The following GLDN variants were observed in gnomAD, a reference collection of about 807,000 sequenced individuals.
The protein encoded by GLDN is collomin.
GLDN carries 47 observed loss-of-function variants against 56.5 expected under a neutral mutation model. That is an observed-to-expected ratio of 0.83 (90% CI 0.66 to 1.06). GLDN has a LOEUF of 1.06. Ranked by LOEUF, GLDN falls within the 50% of genes least tolerant of loss-of-function variation. GLDN has a pLI of 0.00. For synonymous variants in GLDN, 332 were observed against 278.8 expected, an observed-to-expected ratio of 1.19 and a Z score of -1.90; for missense variants, 782 against 714.3, an observed-to-expected ratio of 1.09 and a Z score of -1.08.
chr15:51,369,292 C>A (rs1182534117), intron 1 of GLDN, among the ~76,000 whole-genome samples: 1 of 152,206 alleles, frequency 6.6e-6, no homozygotes, highest in African/African-American at 2.4e-5. Context: ...ATAATAACAG[C>A]AGTTTGCATA....
chr15:51,390,047 A>T (rs2037982557), intron 4 of GLDN, among the ~76,000 whole-genome samples: 1 of 152,224 alleles, frequency 6.6e-6, no homozygotes, highest in African/African-American at 2.4e-5. Context: ...AATAGCTCAG[A>T]GCCAGAGCTG....
intron 1 of GLDN, among the ~76,000 whole-genome samples, chr15:51,356,167 A>C (rs1349226448): frequency 6.6e-6 from 1 of 150,782 alleles, no homozygotes; most frequent in Non-Finnish European, 1.5e-5. Flanking sequence ...AAATCGCGCC[A>C]CTGCACTATA....
At chr15:51,347,892 C>G (rs958677069) in intron 1 of GLDN, among the ~76,000 whole-genome samples, 3 of 152,084 alleles carry the variant, frequency 2.0e-5, no homozygotes, top group African/African-American at 7.2e-5. Context: ...TAATAAGAGT[C>G]AGAACAATCC....
intron 4 of GLDN, among the ~76,000 whole-genome samples, chr15:51,388,676 G>A (rs1168580855): frequency 6.6e-6 from 1 of 152,222 alleles, no homozygotes; most frequent in Non-Finnish European, 1.5e-5. Context: ...AAGTGGAGGA[G>A]GCAGGACTTG....
At position 51,400,509 on chromosome 15, in the gene GLDN, T is replaced by C; in HGVS notation, c.1027+11T>C. On this transcript the variant is annotated intron_variant, in intron 8 of 9. Coordinates refer to ENST00000335449, the MANE Select transcript of GLDN (RefSeq NM_181789.4). ...CAGAGCATTTTTCAGGTACTTGCACTCGGCCTATGACCCATATCTGTGTGG... is the reference window on the plus strand; with the variant it reads ...CAGAGCATTTTTCAGGTACTTGCACCCGGCCTATGACCCATATCTGTGTGG... 6.2e-7 allele frequency: 1 copy of C among 1,613,666 alleles called. No individual in the cohort carries two copies. The highest frequency in any genetic ancestry group is 8.5e-7 in the Non-Finnish European group (1 of 1,179,808).
intron 1 of GLDN, among the ~76,000 whole-genome samples, chr15:51,346,357 A>G (rs903136950): frequency 2.0e-5 from 3 of 152,238 alleles, no homozygotes; most frequent in African/African-American, 7.2e-5. Flanking sequence ...GACAGAGTGG[A>G]AAGTTCCGAA....
chr15:51,351,203 G>GT (rs376978687), intron 1 of GLDN: 15 of 253,396 alleles, frequency 5.9e-5, no homozygotes, highest in African/African-American at 3.0e-4. Flanking sequence ...TAGAGACAGG[G>GT]TCTCACTATG....
chr15:51,392,599 G>A (rs566989003), intron 4 of GLDN, among the ~76,000 whole-genome samples: 16 of 152,184 alleles, frequency 1.1e-4, no homozygotes, highest in Admixed American at 2.6e-4. Flanking sequence ...CCCACACCCC[G>A]GTCTATGGAA....
intron 2 of GLDN, among the ~76,000 whole-genome samples, chr15:51,383,109 G>T (rs2037802939): frequency 6.6e-6 from 1 of 152,144 alleles, no homozygotes; most frequent in Admixed American, 6.5e-5. Flanking sequence ...CCATGCTAGG[G>T]CTGCACTCAT....
intron 1 of GLDN, among the ~76,000 whole-genome samples, chr15:51,367,837 T>C (rs2141073478): frequency 6.6e-6 from 1 of 152,210 alleles, no homozygotes; most frequent in South Asian, 2.1e-4. Context: ...CTCAAGATAG[T>C]GTGAAAGGCT....
At chr15:51,358,513 G>A (rs1451648153) in intron 1 of GLDN, among the ~76,000 whole-genome samples, 1 of 152,186 alleles carries the variant, frequency 6.6e-6, no homozygotes, top group Admixed American at 6.5e-5. Context: ...GCTAAAAAAG[G>A]ACAGGAAACA....
chr15:51,365,478 G>C (rs1005653160), intron 1 of GLDN, among the ~76,000 whole-genome samples: 1 of 152,112 alleles, frequency 6.6e-6, no homozygotes, highest in Non-Finnish European at 1.5e-5. Flanking sequence ...GTTTCAAAAA[G>C]GTCTTTATCT....
intron 1 of GLDN, among the ~76,000 whole-genome samples, chr15:51,370,081 A>C (rs912907847): frequency 1.3e-5 from 2 of 152,088 alleles, no homozygotes. Context: ...ATGTCACTGC[A>C]CTCCAGCCTC....
intron 1 of GLDN, among the ~76,000 whole-genome samples, chr15:51,374,345 A>C (rs191199726): frequency 6.6e-6 from 1 of 152,278 alleles, no homozygotes; most frequent in Admixed American, 6.5e-5. Context: ...TAAGACAATA[A>C]ATTTTGTTCC....
At chr15:51,385,226 C>T (rs1383163865) in intron 4 of GLDN, 1 of 152,174 alleles carries the variant, frequency 6.6e-6, no homozygotes, top group Non-Finnish European at 1.5e-5. Context: ...AAATGTGATT[C>T]AGTCCTGAGG....
At chr15:51,361,128 C>T (rs1269153573) in intron 1 of GLDN, among the ~76,000 whole-genome samples, 1 of 152,190 alleles carries the variant, frequency 6.6e-6, no homozygotes, top group African/African-American at 2.4e-5. Context: ...TCCAGCAGTA[C>T]TCCTGCTTAG....
chr15:51,361,416 G>A (rs538624512), intron 1 of GLDN, among the ~76,000 whole-genome samples: 1 of 152,232 alleles, frequency 6.6e-6, no homozygotes, highest in East Asian at 1.9e-4. Context: ...TTGGGTATCT[G>A]CCAGTTTCTG....
intron 1 of GLDN, among the ~76,000 whole-genome samples, chr15:51,344,957 A>G (rs776024054): frequency 2.0e-5 from 3 of 152,202 alleles, no homozygotes; most frequent in Non-Finnish European, 4.4e-5. Flanking sequence ...CTTTAAAACC[A>G]TGTGCATACT....
At chr15:51,400,061 G>T in intron 6 of GLDN, 131 bp from the exon 7 acceptor site, 1 of 742,184 alleles carries the variant, frequency 1.3e-6, no homozygotes, top group Middle Eastern at 3.0e-4. Context: ...CAAGGAATCT[G>T]GTGATCTATT....
Sources: gnomAD v4.1 joint callset for allele counts (sites outside exome capture counted in the v4.1 genomes callset) on GRCh38, gnomAD v4.1.1 for gene constraint, MANE v1.5 for transcripts, NCBI Gene and HGNC (gene_info 2026-07-23, HGNC 2026-07-21) for gene names.